Variants in COL19A1 observed in about 807,000 individuals in gnomAD.
The protein encoded by COL19A1 is collagen alpha-1(XIX) chain.
Under a neutral mutation model 190.2 loss-of-function variants are expected in COL19A1, and 159 were observed. That is an observed-to-expected ratio of 0.84 (90% CI 0.73 to 0.95). The LOEUF (loss-of-function observed/expected upper bound fraction) is 0.95, where lower values mean the gene tolerates loss of function less well. Among genes scored for constraint, COL19A1 ranks in the 40% least tolerant of loss-of-function variants. The pLI is 0.00. For missense variants in COL19A1, 1,418 were observed against 1,431.9 expected (o/e 0.99, Z 0.16); for synonymous variants, 509 against 458.9 (o/e 1.11, Z -1.39).
chr6:69,998,476 C>T (rs146723033), intron 11 of COL19A1, among the ~76,000 whole-genome samples: 5 of 151,630 alleles, frequency 3.3e-5, no homozygotes, highest in Admixed American at 3.3e-4. Context: ...AACCCCATCT[C>T]TAATAAAAAT....
At chr6:70,048,757 G>T (rs1019617442) in intron 14 of COL19A1, among the ~76,000 whole-genome samples, 1 of 149,184 alleles carries the variant, frequency 6.7e-6, no homozygotes, top group Non-Finnish European at 1.5e-5. Flanking sequence ...GAGACCAATC[G>T]TTTTTTAGTT....
intron 9 of COL19A1, among the ~76,000 whole-genome samples, chr6:69,952,122 C>A (rs1488413100): frequency 1.3e-5 from 2 of 151,840 alleles, no homozygotes; most frequent in Non-Finnish European, 2.9e-5. Context: ...GATTCTGACT[C>A]CCCCACCTTC....
chr6:69,930,546 C>T (rs561340319), intron 6 of COL19A1, among the ~76,000 whole-genome samples: 5 of 152,210 alleles, frequency 3.3e-5, no homozygotes, highest in African/African-American at 1.2e-4. Flanking sequence ...GGGCTAGGCG[C>T]AGTGGCTCAT....
chr6:69,875,418 C>A (rs1768075299), intron 1 of COL19A1, among the ~76,000 whole-genome samples: 1 of 152,156 alleles, frequency 6.6e-6, no homozygotes. Context: ...AAGAAAAGTT[C>A]TCTACTGCTA....
intron 11 of COL19A1, among the ~76,000 whole-genome samples, chr6:69,972,727 C>G (rs1052787181): frequency 6.6e-6 from 1 of 152,112 alleles, no homozygotes; most frequent in African/African-American, 2.4e-5. Flanking sequence ...AAAATTTACA[C>G]AGGAAATATT....
chr6:69,903,000 C>G (rs1480061759), intron 4 of COL19A1, among the ~76,000 whole-genome samples: 1 of 152,178 alleles, frequency 6.6e-6, no homozygotes, highest in Non-Finnish European at 1.5e-5. Flanking sequence ...TGTCATAGAT[C>G]TGGCCACATG....
intron 15 of COL19A1, among the ~76,000 whole-genome samples, chr6:70,078,245 C>T (rs912732358): frequency 7.9e-5 from 12 of 152,186 alleles, no homozygotes; most frequent in African/African-American, 2.9e-4. Context: ...TTTATTTACT[C>T]AAGAAACATT....
At chr6:70,191,904 A>C (rs1289629810) in intron 48 of COL19A1, among the ~76,000 whole-genome samples, 1 of 152,158 alleles carries the variant, frequency 6.6e-6, no homozygotes, top group African/African-American at 2.4e-5. Flanking sequence ...AGTCTTGATT[A>C]TTTTAAATAA....
In COL19A1 at chr6:70,211,798, C is replaced by A. The variant is rs1216345468; in HGVS notation, c.*4524C>A. On this transcript the variant is annotated 3_prime_UTR_variant, in exon 51 of 51. Transcript: ENST00000620364. The stretch of plus-strand genomic sequence containing the variant: ...CAATTTGGTTAAATTGAATGAAGAA[C>A]CAAGTGAACACAGAGAAAACTTATT... 6.6e-6 allele frequency among the ~76,000 whole-genome samples: 1 copy of A among 151,586 alleles called. No individual in the cohort carries two copies.
At chr6:70,142,184 T>C in intron 22 of COL19A1, 108 bp downstream of exon 22, 1 of 954,628 alleles carries the variant, frequency 1.0e-6, no homozygotes, top group Non-Finnish European at 1.6e-6. Context: ...ACAAATGCTC[T>C]CCAAGACTTT....
chr6:70,142,809 C>T lies in COL19A1; in HGVS notation c.1615C>T (p.Pro539Ser). The T allele has an allele frequency of 6.2e-7, 1 of 1,612,036 alleles. No homozygotes were observed. The highest frequency in any genetic ancestry group is 1.1e-5 in the South Asian group (1 of 90,864). Residue 539 changes from proline to serine, a missense_variant, in exon 23 of 51, where the codon CCA becomes TCA. Transcript: ENST00000620364. ...SAGSMGPRGPPGDVGLPGEHG... is the reference protein window; with the variant it reads ...SAGSMGPRGPSGDVGLPGEHG... ...AGGCTCCATGGGACCCAGAGGACCG[C>T]CAGGAGATGTTGTATGTATAATGTC... is the stretch of plus-strand genomic sequence containing the variant.
intron 16 of COL19A1, among the ~76,000 whole-genome samples, chr6:70,117,214 GA>G (rs1488809973): frequency 6.6e-6 from 1 of 152,022 alleles, no homozygotes; most frequent in African/African-American, 2.4e-5. Context: ...AACAGTCAGG[GA>G]AAAAAAGGCA....
intron 2 of COL19A1, among the ~76,000 whole-genome samples, chr6:69,881,684 C>T (rs999514018): frequency 6.6e-6 from 1 of 152,046 alleles, no homozygotes; most frequent in Non-Finnish European, 1.5e-5. Context: ...TAATCTGAAC[C>T]CTAACAAGAT....
At chr6:70,124,764 G>A (rs1785093841) in intron 17 of COL19A1, among the ~76,000 whole-genome samples, 1 of 152,162 alleles carries the variant, frequency 6.6e-6, no homozygotes, top group African/African-American at 2.4e-5. Context: ...TAAACAGAAA[G>A]GAGTATAGCT....
intron 2 of COL19A1, among the ~76,000 whole-genome samples, chr6:69,888,530 C>T (rs1341021900): frequency 6.6e-6 from 1 of 151,930 alleles, no homozygotes; most frequent in Non-Finnish European, 1.5e-5. Flanking sequence ...AGAGAGAGCA[C>T]CTGTAATCCC....
chr6:70,068,443 C>G lies in COL19A1; in HGVS notation c.1191C>G (p.Gly397=). ...CATAGGGTTCCCTGGGGATACAAGGCCCCCAAGGTCCACCTGGAAAAGAGG... is the reference window on the plus strand; with the variant it reads ...CATAGGGTTCCCTGGGGATACAAGGGCCCCAAGGTCCACCTGGAAAAGAGG... ...PALPGSLGIQ[G]PQGPPGKEGQ... Residue 397 remains glycine, a synonymous_variant, in exon 15 of 51, where the codon GGC becomes GGG. Coordinates refer to ENST00000620364, the MANE Select transcript of COL19A1 (RefSeq NM_001858.6). 1 of 1,599,794 alleles carries G rather than the reference C, an allele frequency of 6.3e-7. No homozygotes were observed. Among genetic ancestry groups the G allele is most frequent in the Non-Finnish European group, 8.6e-7 (1 of 1,168,366 alleles).
rs1182392649 is a variant in COL19A1 at position 69,932,857 on chromosome 6, T to C, written c.741T>C (p.Asp247=). ...AAGAAACATGTTGTGAAATATCAGA[T>C]ACTAAGGTAAGTTAATTTTCTTTGC... The part of the protein sequence containing the change: ...IAQETCCEIS[D]TKCPEQDGFG... Residue 247 remains aspartate, a synonymous_variant, in exon 7 of 51, where the codon GAT becomes GAC. Coordinates refer to ENST00000620364, the MANE Select transcript of COL19A1 (RefSeq NM_001858.6). 4 of 1,597,478 alleles carry C rather than the reference T, an allele frequency of 2.5e-6. No individual in the cohort carries two copies. In the African/African-American group the frequency reaches 5.4e-5, roughly 21 times the overall value.
At chr6:70,165,187 G>A (rs1327609526) in intron 36 of COL19A1, among the ~76,000 whole-genome samples, 2 of 152,158 alleles carry the variant, frequency 1.3e-5, no homozygotes, top group Non-Finnish European at 2.9e-5. Flanking sequence ...ACACCAGAGG[G>A]ACTTCAATAG....
chr6:70,050,475 A>G (rs763313693), intron 14 of COL19A1, among the ~76,000 whole-genome samples: 1 of 152,060 alleles, frequency 6.6e-6, no homozygotes, highest in Admixed American at 6.6e-5. Flanking sequence ...CTTATTTACA[A>G]CTGTATCCCC....
Sources: gnomAD v4.1 joint callset for allele counts (sites outside exome capture counted in the v4.1 genomes callset) on GRCh38, gnomAD v4.1.1 for gene constraint, MANE v1.5 for transcripts, NCBI Gene and HGNC (gene_info 2026-07-23, HGNC 2026-07-21) for gene names.